L3MBTL4: variants seen among roughly 807,000 people sequenced by gnomAD.
The protein encoded by L3MBTL4 is lethal(3)malignant brain tumor-like protein 4.
A neutral mutation model predicts 84.5 loss-of-function variants in L3MBTL4; 70 were observed. The observed-to-expected ratio is 0.83, with a 90% CI of 0.68 to 1.01. The LOEUF (loss-of-function observed/expected upper bound fraction) is 1.01, where lower values mean the gene tolerates loss of function less well. Among genes scored for constraint, L3MBTL4 ranks in the 50% least tolerant of loss-of-function variants. The pLI, the probability that L3MBTL4 is intolerant of heterozygous loss-of-function variation, is 0.00. For missense variants in L3MBTL4, 715 were observed against 754.8 expected (o/e 0.95, Z 0.62); for synonymous variants, 274 against 259.8 (o/e 1.05, Z -0.52).
At chr18:6,410,851 A>C (rs1300681091) in intron 1 of L3MBTL4, among the ~76,000 whole-genome samples, 1 of 152,196 alleles carries the variant, frequency 6.6e-6, no homozygotes, top group Non-Finnish European at 1.5e-5. Flanking sequence ...TTCCAGCCTC[A>C]TTAAGAGAAT....
intron 12 of L3MBTL4, among the ~76,000 whole-genome samples, chr18:6,177,480 G>A (rs2044275130): frequency 6.6e-6 from 1 of 152,192 alleles, no homozygotes; most frequent in African/African-American, 2.4e-5. Context: ...GGAGCACAAA[G>A]GAAGCTTCTG....
chr18:6,284,741 TC>T (rs2049487060), intron 4 of L3MBTL4, among the ~76,000 whole-genome samples: 1 of 152,164 alleles, frequency 6.6e-6, no homozygotes, highest in Non-Finnish European at 1.5e-5. Flanking sequence ...AATTCTATGA[TC>T]CCATGCTGAA....
intron 16 of L3MBTL4, among the ~76,000 whole-genome samples, chr18:6,070,511 T>TA (rs1568063838): frequency 7.5e-6 from 1 of 132,844 alleles, no homozygotes. Context: ...AAAAACTTAC[T>TA]CAAAAAAAAA....
At position 5,955,167 on chromosome 18, in the gene L3MBTL4, A is replaced by G. The variant is rs2095220040; in HGVS notation, c.*1053T>C. ...TTCAACACTGTGGGACTGATTCCAC[A>G]CAACTTAAGCCTCCGATACAATCAC... On this transcript the variant is annotated 3_prime_UTR_variant, in exon 19 of 19. Transcript: ENST00000317931. The G allele has an allele frequency of 6.6e-6, 1 of 152,238 alleles. No individual in the cohort carries two copies. Among genetic ancestry groups the G allele is most frequent in the Non-Finnish European group, 1.5e-5 (1 of 68,044 alleles). The allele number at this position is 152,238 out of a possible 1,614,324, so 9.4% of individuals were successfully genotyped here.
At chr18:5,999,278 T>C (rs2054115486) in intron 16 of L3MBTL4, among the ~76,000 whole-genome samples, 1 of 152,250 alleles carries the variant, frequency 6.6e-6, no homozygotes, top group Admixed American at 6.5e-5. Context: ...GTTCAGATGC[T>C]ATCTTCTCCT....
chr18:6,041,356 A>G (rs1003978510), intron 16 of L3MBTL4, among the ~76,000 whole-genome samples: 1 of 152,114 alleles, frequency 6.6e-6, no homozygotes, highest in Admixed American at 6.5e-5. Flanking sequence ...TGCTTCCAAC[A>G]GGTGAGCACC....
chr18:6,249,397 G>T (rs2047826815), intron 5 of L3MBTL4, among the ~76,000 whole-genome samples: 1 of 152,174 alleles, frequency 6.6e-6, no homozygotes, highest in African/African-American at 2.4e-5. Flanking sequence ...TATCACACGT[G>T]ATTGATAAAT....
chr18:6,277,648 T>C (rs1461922800), intron 4 of L3MBTL4, among the ~76,000 whole-genome samples: 1 of 152,218 alleles, frequency 6.6e-6, no homozygotes, highest in Admixed American at 6.5e-5. Flanking sequence ...TTTATTCAAA[T>C]AGTAATTTCT....
At chr18:6,363,167 A>G (rs2053784673) in intron 1 of L3MBTL4, among the ~76,000 whole-genome samples, 1 of 152,206 alleles carries the variant, frequency 6.6e-6, no homozygotes, top group Non-Finnish European at 1.5e-5. Context: ...AAAACGGTCA[A>G]GTCTCCGTTT....
chr18:5,983,148 A>C (rs1281931309), intron 16 of L3MBTL4, among the ~76,000 whole-genome samples: 1 of 152,252 alleles, frequency 6.6e-6, no homozygotes, highest in African/African-American at 2.4e-5. Flanking sequence ...TCCAGCATGA[A>C]GGAAACTCCT....
intron 13 of L3MBTL4, among the ~76,000 whole-genome samples, chr18:6,166,424 G>A (rs2043660262): frequency 6.6e-6 from 1 of 152,038 alleles, no homozygotes; most frequent in Non-Finnish European, 1.5e-5. Context: ...CCACATAGTT[G>A]GAAGTAAAGC....
intron 1 of L3MBTL4, among the ~76,000 whole-genome samples, chr18:6,378,727 T>C (rs183287862): frequency 5.9e-5 from 9 of 152,324 alleles, no homozygotes; most frequent in African/African-American, 2.2e-4. Context: ...TGTAGCCTTG[T>C]AGTATAGTTT....
chr18:6,311,188 A>G (rs1313807725), intron 3 of L3MBTL4, among the ~76,000 whole-genome samples: 4 of 152,016 alleles, frequency 2.6e-5, no homozygotes, highest in Admixed American at 2.6e-4. Flanking sequence ...GTACACAAAC[A>G]CAAAAATATC....
At chr18:6,062,882 C>T (rs1455284559) in intron 16 of L3MBTL4, among the ~76,000 whole-genome samples, 1 of 151,262 alleles carries the variant, frequency 6.6e-6, no homozygotes, top group African/African-American at 2.4e-5. Flanking sequence ...TTTTTGGTTA[C>T]ATGGATGTTT....
At chr18:6,060,383 G>A (rs1369902604) in intron 16 of L3MBTL4, among the ~76,000 whole-genome samples, 3 of 150,168 alleles carry the variant, frequency 2.0e-5, no homozygotes, top group South Asian at 2.1e-4. Context: ...CGAAGTACTC[G>A]CAATCAGCTT....
At chr18:6,350,786 C>A (rs145980504) in intron 1 of L3MBTL4, among the ~76,000 whole-genome samples, 3 of 152,240 alleles carry the variant, frequency 2.0e-5, no homozygotes, top group African/African-American at 4.8e-5. Flanking sequence ...ATGTAAATGG[C>A]AACATTATTC....
At chr18:6,228,072 G>T (rs2046849586) in intron 10 of L3MBTL4, among the ~76,000 whole-genome samples, 1 of 152,144 alleles carries the variant, frequency 6.6e-6, no homozygotes, top group South Asian at 2.1e-4. Flanking sequence ...TAAAGTTACA[G>T]GCATAAATCA....
intron 16 of L3MBTL4, among the ~76,000 whole-genome samples, chr18:6,072,284 C>T (rs982575019): frequency 2.0e-5 from 3 of 151,884 alleles, no homozygotes; most frequent in Non-Finnish European, 2.9e-5. Flanking sequence ...AAAGATCTAA[C>T]GGTATGATTA....
chr18:6,101,455 G>C (rs1315169516), intron 14 of L3MBTL4, among the ~76,000 whole-genome samples: 1 of 152,124 alleles, frequency 6.6e-6, no homozygotes, highest in Non-Finnish European at 1.5e-5. Context: ...GATTTTATTG[G>C]AGACTCCTCC....
Sources: allele counts gnomAD v4.1 joint callset (sites outside exome capture counted in the v4.1 genomes callset), GRCh38; gene constraint gnomAD v4.1.1; transcripts MANE v1.5; gene names NCBI Gene and HGNC (gene_info 2026-07-23, HGNC 2026-07-21).